The following SLC44A5 variants were observed in gnomAD, a reference collection of about 807,000 sequenced individuals.
SLC44A5 encodes the protein solute carrier family 44 member 5.
SLC44A5 carries 57 observed loss-of-function variants against 101.8 expected under a neutral mutation model. That is an observed-to-expected ratio of 0.56 (90% CI 0.45 to 0.70). The LOEUF is 0.70. Among genes scored for constraint, SLC44A5 ranks in the 30% least tolerant of loss-of-function variants. The probability of loss-of-function intolerance (pLI) is 0.00; values close to 1 mark genes in which losing one functional copy is unlikely to be tolerated. For missense variants in SLC44A5, 737 were observed against 853.1 expected (o/e 0.86, Z 1.70); for synonymous variants, 281 against 290.9 (o/e 0.97, Z 0.35).
intron 1 of SLC44A5, among the ~76,000 whole-genome samples, chr1:75,561,173 C>A (rs1307007819): frequency 6.6e-6 from 1 of 152,166 alleles, no homozygotes; most frequent in Non-Finnish European, 1.5e-5. Flanking sequence ...GAATCATAAT[C>A]TGTCCTTTGT....
rs1482459142 is a variant in SLC44A5 at position 75,213,123 on chromosome 1, A to C, written c.1962+582T>G. ...CATGGGTCAGCTTCTCCTGCTACCT[A>C]TCCTGCCCTCCTCACTTTCTTACCA... is the stretch of plus-strand genomic sequence containing the variant. On this transcript the variant is annotated intron_variant, in intron 22 of 23. Transcript: ENST00000370859. 2.0e-5 allele frequency among the ~76,000 whole-genome samples: 3 copies of C among 152,082 alleles called. No individual in the cohort carries two copies. The East Asian group carries it at 5.8e-4, about 29-fold the overall frequency.
intron 2 of SLC44A5, among the ~76,000 whole-genome samples, chr1:75,523,080 C>T (rs1446188260): frequency 6.6e-6 from 1 of 152,150 alleles, no homozygotes; most frequent in East Asian, 1.9e-4. Flanking sequence ...TTCTACACAA[C>T]CATACCCCAT....
chr1:75,246,478 ATAG>A (rs1207657661), intron 7 of SLC44A5, among the ~76,000 whole-genome samples: 1 of 152,094 alleles, frequency 6.6e-6, no homozygotes, highest in Non-Finnish European at 1.5e-5. Context: ...GAGGACAGAA[ATAG>A]TAGTGAACAA....
At chr1:75,560,387 T>C (rs1376489051) in intron 1 of SLC44A5, among the ~76,000 whole-genome samples, 1 of 152,114 alleles carries the variant, frequency 6.6e-6, no homozygotes, top group African/African-American at 2.4e-5. Context: ...GGCAAACCTA[T>C]AGAGACAGAA....
chr1:75,417,270 C>A (rs1663713913), intron 2 of SLC44A5, among the ~76,000 whole-genome samples: 1 of 152,172 alleles, frequency 6.6e-6, no homozygotes, highest in African/African-American at 2.4e-5. Context: ...AGTCTCTCTG[C>A]ACAAGCTCTC....
At chr1:75,619,102 A>AAGGG in the SLC44A5 span, among the ~76,000 whole-genome samples, 3 of 133,680 alleles carry the variant, frequency 2.2e-5, no homozygotes, top group Non-Finnish European at 4.8e-5. Flanking sequence ...GGAAAGAAGG[A>AAGGG]AGGAAGGAAG....
At chr1:75,682,261 G>A in the SLC44A5 span, among the ~76,000 whole-genome samples, 3 of 152,016 alleles carry the variant, frequency 2.0e-5, no homozygotes, top group East Asian at 5.8e-4. Context: ...CTACTTTAAA[G>A]TTCATATGGA....
At chr1:75,396,506 T>TA in intron 3 of SLC44A5, 77 bp downstream of exon 3, 1 of 1,202,700 alleles carries the variant, frequency 8.3e-7, no homozygotes, top group South Asian at 1.4e-5. Context: ...TCCTAGATTT[T>TA]AAAAGAATCA....
chr1:75,572,684 T>C (rs981170744), intron 1 of SLC44A5, among the ~76,000 whole-genome samples: 1 of 152,110 alleles, frequency 6.6e-6, no homozygotes, highest in African/African-American at 2.4e-5. Flanking sequence ...CCATTGTCAA[T>C]GAAATAAGAA....
At chr1:75,670,394 C>A in the SLC44A5 span, among the ~76,000 whole-genome samples, 1 of 152,024 alleles carries the variant, frequency 6.6e-6, no homozygotes, top group African/African-American at 2.4e-5. Flanking sequence ...CTAGACAACA[C>A]AAAATGAAAT....
chr1:75,669,843 A>G, the SLC44A5 span, among the ~76,000 whole-genome samples: 1 of 152,254 alleles, frequency 6.6e-6, no homozygotes, highest in Non-Finnish European at 1.5e-5. Flanking sequence ...TAAATTCTCT[A>G]TATACATCTT....
chr1:75,491,835 G>A (rs1345084278), intron 2 of SLC44A5, among the ~76,000 whole-genome samples: 1 of 152,110 alleles, frequency 6.6e-6, no homozygotes, highest in Non-Finnish European at 1.5e-5. Context: ...TGTTTCTAAA[G>A]AAAGGTTATT....
intron 4 of SLC44A5, among the ~76,000 whole-genome samples, chr1:75,321,743 A>G (rs1172931304): frequency 6.6e-6 from 1 of 152,240 alleles, no homozygotes; most frequent in Non-Finnish European, 1.5e-5. Flanking sequence ...TTTAAAAATC[A>G]TGCTTTATAT....
At chr1:75,496,599 GACA>G (rs201377222) in intron 2 of SLC44A5, among the ~76,000 whole-genome samples, 49 of 142,136 alleles carry the variant, frequency 3.4e-4, no homozygotes, top group Non-Finnish European at 5.5e-4. Flanking sequence ...CAAGGAAACA[GACA>G]ACAACAACAA....
chr1:75,466,655 T>TA (rs754658767), intron 2 of SLC44A5, among the ~76,000 whole-genome samples: 7,402 of 88,180 alleles, frequency 0.084, 856 homozygotes, highest in African/African-American at 0.29. Context: ...GATGCCATCT[T>TA]AAAAAAAAAA....
At chr1:75,472,241 T>C (rs940078427) in intron 2 of SLC44A5, among the ~76,000 whole-genome samples, 9 of 152,204 alleles carry the variant, frequency 5.9e-5, no homozygotes, top group African/African-American at 2.2e-4. Flanking sequence ...CAGGGGAAAG[T>C]GTGCCGAGCA....
At chr1:75,227,112 G>C (rs1482360608) in intron 13 of SLC44A5, among the ~76,000 whole-genome samples, 1 of 152,140 alleles carries the variant, frequency 6.6e-6, no homozygotes, top group East Asian at 1.9e-4. Flanking sequence ...GGTGGCTCAT[G>C]CCAGCATGTT....
At chr1:75,239,081 G>A (rs1178270372) in intron 9 of SLC44A5, among the ~76,000 whole-genome samples, 1 of 151,910 alleles carries the variant, frequency 6.6e-6, no homozygotes, top group African/African-American at 2.4e-5. Context: ...ATAATACCTT[G>A]GCAAATAAGA....
At chr1:75,444,013 G>C (rs571178188) in intron 2 of SLC44A5, among the ~76,000 whole-genome samples, 2 of 152,044 alleles carry the variant, frequency 1.3e-5, no homozygotes, top group East Asian at 3.9e-4. Flanking sequence ...ACTGTAAAGA[G>C]AAGAAAATAA....
Sources: gnomAD v4.1 joint callset for allele counts (sites outside exome capture counted in the v4.1 genomes callset) on GRCh38, gnomAD v4.1.1 for gene constraint, MANE v1.5 for transcripts, NCBI Gene and HGNC (gene_info 2026-07-23, HGNC 2026-07-21) for gene names.